ZNF10: variants seen among roughly 807,000 people sequenced by gnomAD.
ZNF10 encodes zinc finger protein 10 (KOX 1).
A neutral mutation model predicts 12.2 loss-of-function variants in ZNF10; 8 were observed. The ratio of observed to expected loss-of-function variants is 0.66; its 90% CI spans 0.39 to 1.18. The LOEUF is 1.18. Ranked by LOEUF, ZNF10 falls within the 50% of genes most tolerant of loss-of-function variation. The pLI is 0.01. For synonymous variants in ZNF10, 229 were observed against 228.2 expected (o/e 1.00, Z -0.03); for missense variants, 603 against 678.9 (o/e 0.89, Z 1.24).
In ZNF10 at chr12:133,155,581, A is replaced by G; in HGVS notation, c.335A>G (p.Lys112Arg). Reference protein sequence around the residue: ...IFKDKQSCDIKMEGMARNDLW... With the variant: ...IFKDKQSCDIRMEGMARNDLW... Reference sequence around the variant, plus strand: ...AAAGATAAGCAATCCTGTGACATTAAAATGGAAGGAATGGCAAGGAATGAT... The same window carrying G: ...AAAGATAAGCAATCCTGTGACATTAGAATGGAAGGAATGGCAAGGAATGAT... The change falls in exon 5 of 5, where the codon AAA (lysine) becomes AGA (arginine). Residue 112 changes from lysine (K) to arginine (R), a missense_variant. Around this residue, in one of 3 missense-constraint regions of ZNF10, gnomAD observed 393 missense variants for 399.7 expected, o/e 0.98. Transcript: ENST00000248211. 1 of 1,613,140 alleles carries G rather than the reference A, an allele frequency of 6.2e-7. No individual in the cohort carries two copies. The highest frequency in any genetic ancestry group is 8.5e-7 in the Non-Finnish European group (1 of 1,179,746).
At chr12:133,152,315 A>G (rs907774612) in intron 4 of ZNF10, among the ~76,000 whole-genome samples, 2 of 152,166 alleles carry the variant, frequency 1.3e-5, no homozygotes, top group African/African-American at 4.8e-5. Context: ...TCTGCCAGGT[A>G]GAAAACTGCT....
chr12:133,146,592 T>C (rs533940230), intron 2 of ZNF10, among the ~76,000 whole-genome samples: 5 of 152,134 alleles, frequency 3.3e-5, no homozygotes, highest in Non-Finnish European at 7.4e-5. Flanking sequence ...ATGCCTGTAA[T>C]CCCAACACTT....
chr12:133,152,668 G>A (rs866202893), intron 4 of ZNF10, among the ~76,000 whole-genome samples: 12 of 152,120 alleles, frequency 7.9e-5, no homozygotes, highest in Middle Eastern at 3.2e-3. Context: ...CGCCCACCTC[G>A]GCCTTCCAAA....
chr12:133,134,370 A>G (rs947477425), intron 1 of ZNF10, among the ~76,000 whole-genome samples: 1 of 152,086 alleles, frequency 6.6e-6, no homozygotes, highest in African/African-American at 2.4e-5. Flanking sequence ...TATAACCATG[A>G]AAGAAAGGCA....
At chr12:133,134,235 C>A (rs967354918) in intron 1 of ZNF10, among the ~76,000 whole-genome samples, 2 of 151,536 alleles carry the variant, frequency 1.3e-5, no homozygotes, top group Non-Finnish European at 2.9e-5. Flanking sequence ...ATCACTTGAA[C>A]CCAAGAGGCG....
At chr12:133,151,592 C>T (rs1956007728) in intron 3 of ZNF10, among the ~76,000 whole-genome samples, 1 of 152,066 alleles carries the variant, frequency 6.6e-6, no homozygotes, top group African/African-American at 2.4e-5. Context: ...TGCAGTGAGC[C>T]AAGATTATGC....
At chr12:133,154,116 C>T (rs1410543890) in intron 4 of ZNF10, among the ~76,000 whole-genome samples, 3 of 146,460 alleles carry the variant, frequency 2.0e-5, no homozygotes, top group South Asian at 2.2e-4. Flanking sequence ...ACCTTTTTGT[C>T]GGCGGGGGGG....
chr12:133,152,310 C>A (rs930284198), intron 4 of ZNF10, among the ~76,000 whole-genome samples: 2 of 152,116 alleles, frequency 1.3e-5, no homozygotes, highest in African/African-American at 4.8e-5. Context: ...TGTTTTCTGC[C>A]AGGTAGAAAA....
At chr12:133,136,708 A>G (rs533429935) in intron 1 of ZNF10, among the ~76,000 whole-genome samples, 1 of 152,338 alleles carries the variant, frequency 6.6e-6, no homozygotes, top group African/African-American at 2.4e-5. Context: ...ATAGGAACAT[A>G]TGATCCCCCT....
rs1483206775 is a variant in ZNF10 at position 133,157,659 on chromosome 12, T to G, written c.*691T>G. On this transcript the variant is annotated 3_prime_UTR_variant, in exon 5 of 5. Coordinates refer to ENST00000248211, the MANE Select transcript of ZNF10 (RefSeq NM_015394.5). ...AGTTTTATAGTCTGTTTAATGTTGC[T>G]GTAATAATTATTTTAAGAAACTTTT... 1 of 152,236 alleles carries G rather than the reference T, an allele frequency of 6.6e-6. No homozygotes were observed. Among genetic ancestry groups the G allele is most frequent in the Non-Finnish European group, 1.5e-5 (1 of 68,034 alleles). The allele number at this position is 152,236 out of a possible 1,614,324, so 9.4% of individuals were successfully genotyped here.
chr12:133,152,002 C>T, intron 4 of ZNF10, 98 bp downstream of exon 4: 1 of 874,596 alleles, frequency 1.1e-6, no homozygotes, highest in Non-Finnish European at 1.8e-6. Context: ...CCTCACAGGC[C>T]CTTCTTCCTG....
chr12:133,142,642 G>T (rs1299427670), intron 1 of ZNF10, among the ~76,000 whole-genome samples: 1 of 152,012 alleles, frequency 6.6e-6, no homozygotes, highest in Non-Finnish European at 1.5e-5. Flanking sequence ...ACTACAATGA[G>T]ATGTCACTTC....
chr12:133,134,840 G>A (rs888668308), intron 1 of ZNF10, among the ~76,000 whole-genome samples: 17 of 152,018 alleles, frequency 1.1e-4, no homozygotes, highest in Non-Finnish European at 2.2e-4. Flanking sequence ...TTACCATTTG[G>A]AGGTGGGAAG....
intron 1 of ZNF10, among the ~76,000 whole-genome samples, chr12:133,137,235 A>G (rs1210447157): frequency 6.6e-6 from 1 of 152,062 alleles, no homozygotes; most frequent in Non-Finnish European, 1.5e-5. Flanking sequence ...TTTTGGGGCT[A>G]CTATTATATC....
At chr12:133,147,782 ATT>A (rs767587711) in intron 2 of ZNF10, among the ~76,000 whole-genome samples, 26 of 135,340 alleles carry the variant, frequency 1.9e-4, no homozygotes, top group Admixed American at 2.2e-4. Flanking sequence ...TGCCTGGCTA[ATT>A]TTTTTTTTTT....
At chr12:133,144,995 G>C (rs1253783753) in intron 2 of ZNF10, 1 of 356,620 alleles carries the variant, frequency 2.8e-6, no homozygotes, top group African/African-American at 2.2e-5. Context: ...TGATTCTTCT[G>C]CCTCAGCCTC....
At position 133,156,075 on chromosome 12, in the gene ZNF10, C is replaced by A. The variant is rs1486313265; in HGVS notation, c.829C>A (p.Arg277Ser). Residue 277 changes from arginine (R) to serine (S), a missense_variant, in exon 5 of 5, where the codon CGC becomes AGC. Transcript: ENST00000248211. ...GGAATGTGGAAAATTCTTCAGCTGGCGCTCTAATCTTACTAGGCATCAGCT... is the reference window on the plus strand; with the variant it reads ...GGAATGTGGAAAATTCTTCAGCTGGAGCTCTAATCTTACTAGGCATCAGCT... ...CKECGKFFSWRSNLTRHQLIH... is the reference protein window; with the variant it reads ...CKECGKFFSWSSNLTRHQLIH... 6.2e-7 allele frequency: 1 copy of A among 1,613,174 alleles called. No individual in the cohort carries two copies. The highest frequency in any genetic ancestry group is 1.3e-5 in the African/African-American group (1 of 74,984).
chr12:133,138,229 A>G (rs1955924078), intron 1 of ZNF10, among the ~76,000 whole-genome samples: 1 of 152,042 alleles, frequency 6.6e-6, no homozygotes, highest in South Asian at 2.1e-4. Flanking sequence ...GGAAATTAGA[A>G]TTGAGTGAGA....
rs575591379 is a variant in ZNF10 at position 133,135,110 on chromosome 12, C to T, written c.-60+4356C>T. Among the ~76,000 whole-genome samples, 71 of 152,258 alleles carry T rather than the reference C, an allele frequency of 4.7e-4. No homozygotes were observed. The South Asian group carries it at 0.014, about 30-fold the overall frequency. ...TGTGTTCCTAACATCTTAAAAAGAG[C>T]TTCTCAGGTAGGGGACGCTCAGTCA... On this transcript the variant is annotated intron_variant, in intron 1 of 4. Coordinates refer to ENST00000248211, the MANE Select transcript of ZNF10 (RefSeq NM_015394.5).
Sources: allele counts gnomAD v4.1 joint callset (sites outside exome capture counted in the v4.1 genomes callset), GRCh38; gene constraint gnomAD v4.1.1; regional missense constraint gnomAD v4.1.1; transcripts MANE v1.5; gene names NCBI Gene and HGNC (gene_info 2026-07-23, HGNC 2026-07-21).